Variants in SPIDR observed in about 807,000 individuals in gnomAD.
The protein encoded by SPIDR is scaffold protein involved in DNA repair.
SPIDR carries 93 observed loss-of-function variants against 104.6 expected under a neutral mutation model. The ratio of observed to expected loss-of-function variants is 0.89; its 90% CI spans 0.75 to 1.06. The LOEUF is 1.06. Ranked by LOEUF, SPIDR falls within the 50% of genes least tolerant of loss-of-function variation. SPIDR has a pLI of 0.00. For missense variants in SPIDR, 1,154 were observed against 1,111.2 expected, an observed-to-expected ratio of 1.04 and a Z score of -0.55; for synonymous variants, 431 against 416.9, an observed-to-expected ratio of 1.03 and a Z score of -0.41.
intron 8 of SPIDR, among the ~76,000 whole-genome samples, chr8:47,538,169 C>T (rs763063795): frequency 3.3e-5 from 5 of 151,498 alleles, no homozygotes; most frequent in East Asian, 1.9e-4. Context: ...AGCTAGACTC[C>T]GTCTCAAAAT....
rs184290800 is a variant in SPIDR, at chr8:47,666,155, A to G, written c.1545-7646A>G. 3.8e-3 allele frequency among the ~76,000 whole-genome samples: 575 copies of G among 152,314 alleles called. 3 individuals carry two copies. The highest frequency in any genetic ancestry group is 0.023 in the South Asian group (109 of 4,826). ...AACTGTGCTGTCCAATAGGGTGGCT[A>G]CTAGCCACATGTGATTATTTATATT... On this transcript the variant is annotated intron_variant, in intron 10 of 19. Coordinates refer to ENST00000297423, the MANE Select transcript of SPIDR (RefSeq NM_001080394.4).
At position 47,274,727 on chromosome 8, in the gene SPIDR, G is replaced by A. The variant is rs1006342801; in HGVS notation, c.34-5135G>A. On this transcript the variant is annotated intron_variant, in intron 1 of 19. Transcript: ENST00000297423. ...GAGTAGCTGTGATTACAGGCACCGC[G>A]ACCACACCCGGCTAATTTTTGTATT... Among the ~76,000 whole-genome samples the A allele has an allele frequency of 4.6e-5, 7 of 151,058 alleles. No homozygotes were observed. The South Asian group carries it at 1.5e-3, about 32-fold the overall frequency.
chr8:47,675,990 C>T (rs1483129382), intron 11 of SPIDR, among the ~76,000 whole-genome samples: 4 of 152,228 alleles, frequency 2.6e-5, no homozygotes, highest in Non-Finnish European at 5.9e-5. Context: ...CAGCTGTGCT[C>T]CAGGCCAGAG....
intron 6 of SPIDR, among the ~76,000 whole-genome samples, chr8:47,399,486 GGAT>G (rs1243109494): frequency 6.6e-6 from 1 of 152,214 alleles, no homozygotes; most frequent in Non-Finnish European, 1.5e-5. Context: ...CTGACAGGGA[GGAT>G]GAGAACGGAG....
intron 5 of SPIDR, among the ~76,000 whole-genome samples, chr8:47,327,296 G>A (rs2047823483): frequency 6.6e-6 from 1 of 151,120 alleles, no homozygotes; most frequent in African/African-American, 2.4e-5. Flanking sequence ...TTCTGGTTGT[G>A]TTATAAGAGA....
chr8:47,340,636 A>G (rs534725910), intron 5 of SPIDR, among the ~76,000 whole-genome samples: 2 of 152,212 alleles, frequency 1.3e-5, no homozygotes, highest in South Asian at 4.2e-4. Context: ...AAAAACCCCA[A>G]AAATCCTTGG....
chr8:47,557,528 T>C (rs1442545458), intron 8 of SPIDR, among the ~76,000 whole-genome samples: 1 of 152,226 alleles, frequency 6.6e-6, no homozygotes, highest in Non-Finnish European at 1.5e-5. Flanking sequence ...ATATAATATT[T>C]GGTGTATGTA....
intron 10 of SPIDR, among the ~76,000 whole-genome samples, chr8:47,627,835 G>A (rs1563359058): frequency 2.0e-5 from 3 of 152,140 alleles, no homozygotes; most frequent in African/African-American, 2.4e-5. Context: ...CGTACTGGCC[G>A]GAGTGGAATG....
At chr8:47,397,895 G>A (rs1167689303) in intron 6 of SPIDR, among the ~76,000 whole-genome samples, 1 of 152,172 alleles carries the variant, frequency 6.6e-6, no homozygotes, top group South Asian at 2.1e-4. Context: ...AATAAACAGA[G>A]TTCGCACCAT....
At chr8:47,732,251 C>G (rs979480186) in intron 19 of SPIDR, 1 of 701,018 alleles carries the variant, frequency 1.4e-6, no homozygotes. Flanking sequence ...TAGGTAAAAG[C>G]CCTGCTTATA....
At chr8:47,661,256 G>A (rs13439477) in intron 10 of SPIDR, among the ~76,000 whole-genome samples, 59 of 152,298 alleles carry the variant, frequency 3.9e-4, no homozygotes, top group Admixed American at 1.1e-3. Context: ...TTCTCTGTGA[G>A]ATATTTTATC....
intron 7 of SPIDR, among the ~76,000 whole-genome samples, chr8:47,415,138 C>T (rs560014529): frequency 1.1e-4 from 17 of 152,260 alleles, no homozygotes; most frequent in South Asian, 4.1e-4. Flanking sequence ...CTCCTGACCT[C>T]GTGATCCTCC....
intron 10 of SPIDR, among the ~76,000 whole-genome samples, chr8:47,644,078 C>T (rs2069744186): frequency 6.6e-6 from 1 of 152,220 alleles, no homozygotes; most frequent in Non-Finnish European, 1.5e-5. Flanking sequence ...ATTCCACCCT[C>T]AGTCTATCCT....
chr8:47,432,125 A>G (rs894766605), intron 7 of SPIDR, among the ~76,000 whole-genome samples: 1 of 152,240 alleles, frequency 6.6e-6, no homozygotes, highest in African/African-American at 2.4e-5. Context: ...CTGAATACTT[A>G]TGGGAGCATA....
intron 8 of SPIDR, among the ~76,000 whole-genome samples, chr8:47,556,441 T>G (rs1184010413): frequency 6.6e-6 from 1 of 152,236 alleles, no homozygotes; most frequent in Non-Finnish European, 1.5e-5. Flanking sequence ...CCCTAGGTAC[T>G]TGGGCTTACT....
At chr8:47,526,672 G>C (rs1007430601) in intron 8 of SPIDR, among the ~76,000 whole-genome samples, 1 of 152,076 alleles carries the variant, frequency 6.6e-6, no homozygotes, top group Non-Finnish European at 1.5e-5. Context: ...GAACATCCAG[G>C]AACTGTAACA....
intron 7 of SPIDR, among the ~76,000 whole-genome samples, chr8:47,408,349 C>G (rs2063041401): frequency 6.6e-6 from 1 of 152,164 alleles, no homozygotes; most frequent in African/African-American, 2.4e-5. Context: ...GCCTCAAACT[C>G]TTGGGCTCAA....
chr8:47,709,791 G>A (rs1348232196), intron 14 of SPIDR, among the ~76,000 whole-genome samples: 1 of 152,078 alleles, frequency 6.6e-6, no homozygotes, highest in Non-Finnish European at 1.5e-5. Flanking sequence ...CAAATCCAGA[G>A]TATTTACAAA....
At chr8:47,705,936 T>C (rs2081024844) in intron 14 of SPIDR, among the ~76,000 whole-genome samples, 1 of 151,984 alleles carries the variant, frequency 6.6e-6, no homozygotes, top group Admixed American at 6.5e-5. Context: ...GTATTTCCGT[T>C]ACACTAATGA....
Sources: allele counts gnomAD v4.1 joint callset (sites outside exome capture counted in the v4.1 genomes callset), GRCh38; gene constraint gnomAD v4.1.1; transcripts MANE v1.5; gene names NCBI Gene and HGNC (gene_info 2026-07-23, HGNC 2026-07-21).